The following RP1 variants were observed in gnomAD, a reference collection of about 807,000 sequenced individuals.
The protein encoded by RP1 is oxygen-regulated protein 1.
A neutral mutation model predicts 14.8 loss-of-function variants in RP1; 16 were observed. That is an observed-to-expected ratio of 1.08 (90% CI 0.73 to 1.65). The LOEUF (loss-of-function observed/expected upper bound fraction) is 1.65. RP1 is among the 40% of genes most tolerant of loss of function. The pLI, the probability that RP1 is intolerant of heterozygous loss-of-function variation, is 0.00. For missense variants in RP1, 2,631 were observed against 2,535.0 expected (o/e 1.04, Z -0.81); for synonymous variants, 876 against 883.6 (o/e 0.99, Z 0.15).
chr8:54,649,637 T>C (rs898167929), intron 4 of RP1, among the ~76,000 whole-genome samples: 6 of 152,150 alleles, frequency 3.9e-5, no homozygotes, highest in African/African-American at 1.4e-4. Context: ...TAAACTGAAG[T>C]CAGATACATT....
chr8:54,701,659 C>A, exon 14 of RP1: 2 of 1,534,412 alleles, frequency 1.3e-6, no homozygotes, highest in South Asian at 2.4e-5. Flanking sequence ...TGATTTTTGT[C>A]AAGGTAAAAT....
At chr8:54,593,907 C>T (rs1221219107) in intron 1 of RP1, among the ~76,000 whole-genome samples, 1 of 152,254 alleles carries the variant, frequency 6.6e-6, no homozygotes, top group Non-Finnish European at 1.5e-5. Flanking sequence ...GTCACAGAGA[C>T]TGGCCCACAG....
intron 19 of RP1, among the ~76,000 whole-genome samples, chr8:54,747,798 A>G (rs1003913937): frequency 6.6e-6 from 1 of 152,204 alleles, no homozygotes; most frequent in African/African-American, 2.4e-5. Context: ...ACTGCACTCC[A>G]GCCTGGGTGA....
chr8:54,811,856 G>T (rs774035054), intron 24 of RP1, among the ~76,000 whole-genome samples: 5 of 152,152 alleles, frequency 3.3e-5, no homozygotes, highest in East Asian at 1.9e-4. Flanking sequence ...CTCACTTACC[G>T]CATATTGCCT....
intron 24 of RP1, among the ~76,000 whole-genome samples, chr8:54,824,128 T>A (rs1174238203): frequency 7.4e-6 from 1 of 134,644 alleles, no homozygotes; most frequent in African/African-American, 2.7e-5. Flanking sequence ...TTGGATTGTT[T>A]GTGTGTTTTT....
At chr8:54,868,973 AG>A (rs1434715687) in intron 28 of RP1, among the ~76,000 whole-genome samples, 1 of 152,200 alleles carries the variant, frequency 6.6e-6, no homozygotes, top group Non-Finnish European at 1.5e-5. Flanking sequence ...GAGAAAAATC[AG>A]AAGAATATCC....
chr8:54,611,627 A>G (rs1805594422), upstream of RP1, among the ~76,000 whole-genome samples: 2 of 151,916 alleles, frequency 1.3e-5, no homozygotes, highest in African/African-American at 4.8e-5. Context: ...GTGTTCCTTT[A>G]GTGCTTTAAG....
intron 24 of RP1, among the ~76,000 whole-genome samples, chr8:54,790,021 C>T (rs1456879141): frequency 2.0e-5 from 3 of 152,162 alleles, no homozygotes; most frequent in Admixed American, 6.5e-5. Context: ...TGGAACTCAG[C>T]CTATAGCCCT....
At chr8:54,869,280 A>G (rs1266719824) in intron 28 of RP1, among the ~76,000 whole-genome samples, 1 of 152,234 alleles carries the variant, frequency 6.6e-6, no homozygotes, top group Non-Finnish European at 1.5e-5. Context: ...CTTCCAATGT[A>G]GGTATAAGAT....
At chr8:54,744,066 C>T (rs1200926610) in intron 19 of RP1, among the ~76,000 whole-genome samples, 4 of 152,054 alleles carry the variant, frequency 2.6e-5, no homozygotes, top group African/African-American at 4.8e-5. Flanking sequence ...ACAGCATTTC[C>T]AAAACTAAAT....
chr8:54,793,335 C>T (rs907889804), intron 24 of RP1, among the ~76,000 whole-genome samples: 1 of 151,842 alleles, frequency 6.6e-6, no homozygotes, highest in African/African-American at 2.4e-5. Context: ...TTTATGAGGC[C>T]AGCATTACCC....
At position 54,854,672 on chromosome 8, in the gene RP1, C is replaced by T. The variant is rs561805586; in HGVS notation, c.3990+1944C>T. ...TTGAGGTCAGGAGTTCGAGACCAGC[C>T]TGGCCAACATGGTGAAATCTTGCCT... On this transcript the variant is annotated intron_variant, in intron 26 of 28. Transcript: ENST00000637698. Among the ~76,000 whole-genome samples, 64 of 152,210 alleles carry T rather than the reference C, an allele frequency of 4.2e-4. 1 individual carries two copies. The South Asian group carries it at 0.011, about 26-fold the overall frequency.
In RP1 at chr8:54,621,468, C is replaced by A; in HGVS notation, c.502C>A (p.Arg168Ser). Reference sequence around the variant, plus strand: ...CAGGAATGGCGACCCGAAGACGAGGCGTGCGGTTCTTCTGAGCAGGAGGGT... The same window carrying A: ...CAGGAATGGCGACCCGAAGACGAGGAGTGCGGTTCTTCTGAGCAGGAGGGT... The part of the protein sequence containing the change: ...VFRNGDPKTR[R>S]AVLLSRRVTQ... Residue 168 changes from arginine (R) to serine (S), a missense_variant, in exon 2 of 4, where the codon CGT (arginine) becomes AGT (serine). Arg to Ser is a moderately radical substitution (Grantham distance 110). Transcript: ENST00000220676. The A allele has an allele frequency of 6.2e-7, 1 of 1,614,022 alleles. No homozygotes were observed. Among genetic ancestry groups the A allele is most frequent in the Non-Finnish European group, 8.5e-7 (1 of 1,180,018 alleles).
intron 24 of RP1, among the ~76,000 whole-genome samples, chr8:54,820,952 C>A (rs746617236): frequency 6.6e-6 from 1 of 151,890 alleles, no homozygotes; most frequent in Non-Finnish European, 1.5e-5. Context: ...TATCCTTAGG[C>A]GAAGCAGCAA....
Position 54,626,933 on chromosome 8 carries a change from G to T in RP1, c.3051G>T (p.Leu1017Phe), listed in dbSNP as rs199573371. 1.9e-6 allele frequency: 3 copies of T among 1,613,856 alleles called. No individual in the cohort carries two copies. The highest frequency in any genetic ancestry group is 3.3e-5 in the Admixed American group (2 of 60,004). Reference sequence around the variant, plus strand: ...TTGGATCTCTGAATGATGCTTATTTGGTTCCCCTGCATGAACACTGTACTT... The same window carrying T: ...TTGGATCTCTGAATGATGCTTATTTTGTTCCCCTGCATGAACACTGTACTT... ...TQVGSLNDAY[L>F]VPLHEHCTLS... Residue 1017 changes from leucine (L) to phenylalanine (F), a missense_variant, in exon 4 of 4, where the codon TTG becomes TTT. Physicochemically the swap from Leu to Phe is conservative, Grantham distance 22 (BLOSUM62 0). Transcript: ENST00000220676.
chr8:54,701,652 T>A (rs2129343536), exon 14 of RP1: 1 of 1,534,798 alleles, frequency 6.5e-7, no homozygotes, highest in African/African-American at 1.4e-5. Context: ...GAATTTGTGA[T>A]TTTTGTCAAG....
chr8:54,572,756 A>T (rs1439547057), intron 1 of RP1, among the ~76,000 whole-genome samples: 1 of 152,180 alleles, frequency 6.6e-6, no homozygotes, highest in East Asian at 1.9e-4. Flanking sequence ...ATAAACCAGC[A>T]CACAGGACAT....
chr8:54,673,621 T>G (rs1807228764), intron 7 of RP1, among the ~76,000 whole-genome samples: 1 of 152,054 alleles, frequency 6.6e-6, no homozygotes, highest in Non-Finnish European at 1.5e-5. Flanking sequence ...ATGCCTGTAA[T>G]ACCAGATACT....
intron 15 of RP1, among the ~76,000 whole-genome samples, chr8:54,710,328 G>C (rs1019942319): frequency 6.6e-6 from 1 of 152,334 alleles, no homozygotes; most frequent in Middle Eastern, 3.4e-3. Flanking sequence ...TTTAGCACCA[G>C]CAGGAGCAAA....
Sources: gnomAD v4.1 joint callset for allele counts (sites outside exome capture counted in the v4.1 genomes callset) on GRCh38, gnomAD v4.1.1 for gene constraint, MANE v1.5 for transcripts, NCBI Gene and HGNC (gene_info 2026-07-23, HGNC 2026-07-21) for gene names.